Variants in NEK7 observed in about 807,000 individuals in gnomAD.
The protein encoded by NEK7 is serine/threonine-protein kinase Nek7.
Under a neutral mutation model 44.6 loss-of-function variants are expected in NEK7, and 18 were observed. That is an observed-to-expected ratio of 0.40 (90% confidence interval 0.28 to 0.60). The LOEUF (loss-of-function observed/expected upper bound fraction) is 0.60. Ranked by LOEUF, NEK7 falls within the 20% of genes least tolerant of loss-of-function variation. The pLI is 0.38. For synonymous variants in NEK7, 130 were observed against 121.1 expected (o/e 1.07, Z -0.48); for missense variants, 256 against 366.5 (o/e 0.70, Z 2.46).
Position 198,253,044 on chromosome 1 carries a change from C to T in NEK7, c.62C>T (p.Ala21Val). 1 of 1,603,618 alleles carries T rather than the reference C, an allele frequency of 6.2e-7. No individual in the cohort carries two copies. The highest frequency in any genetic ancestry group is 1.7e-5 in the Admixed American group (1 of 58,356). The change falls in exon 3 of 10, where the codon GCC becomes GTC. Residue 21 changes from alanine to valine, a missense_variant. Ala to Val is a moderately conservative substitution (Grantham distance 64). Coordinates refer to ENST00000367385, the MANE Select transcript of NEK7 (RefSeq NM_133494.3). ...PPVPQFQPQK[A>V]LRPDMGYNTL... ...TTCTGACATTTTTAATTACAGAAGG[C>T]CTTACGACCGGATATGGGCTATAAT...
At chr1:198,271,229 C>T (rs531549668) in intron 5 of NEK7, among the ~76,000 whole-genome samples, 3 of 152,112 alleles carry the variant, frequency 2.0e-5, no homozygotes, top group South Asian at 4.1e-4. Context: ...TAGGGACCTT[C>T]ATTACATCTG....
chr1:198,313,052 C>T (rs1422350781), intron 9 of NEK7, among the ~76,000 whole-genome samples: 9 of 151,718 alleles, frequency 5.9e-5, no homozygotes, highest in Non-Finnish European at 1.3e-4. Flanking sequence ...TAAAGTCTCC[C>T]ATTATTAATG....
chr1:198,165,454 G>A (rs1174423698), intron 1 of NEK7, among the ~76,000 whole-genome samples: 1 of 152,160 alleles, frequency 6.6e-6, no homozygotes, highest in African/African-American at 2.4e-5. Context: ...GTGTCAGTAG[G>A]CATGAAAACA....
chr1:198,317,424 C>T (rs1306499524), intron 9 of NEK7, among the ~76,000 whole-genome samples: 1 of 152,158 alleles, frequency 6.6e-6, no homozygotes, highest in Non-Finnish European at 1.5e-5. Flanking sequence ...TTTGTTATTC[C>T]CAATTCTTGT....
rs936276393 is a variant in NEK7 at position 198,249,271 on chromosome 1, T to A, written c.58-3769T>A. ...TTCCATGGCGTATATGTGCCACATT[T>A]TCTTAATCCAGTCTATCATTGTTGG... On this transcript the variant is annotated intron_variant, in intron 2 of 9. Coordinates refer to ENST00000367385, the MANE Select transcript of NEK7 (RefSeq NM_133494.3). Among the ~76,000 whole-genome samples, 12 of 149,622 alleles carry A rather than the reference T, an allele frequency of 8.0e-5. No individual in the cohort carries two copies. In the South Asian group the frequency reaches 1.3e-3, roughly 16 times the overall value.
rs542501765 is a variant in NEK7, at chr1:198,320,155, GTTTT to G, written c.*636_*639del. On this transcript the variant is annotated 3_prime_UTR_variant, in exon 10 of 10. Transcript: ENST00000367385. The stretch of plus-strand genomic sequence containing the variant: ...CAAAATGTGAGTCAGACACTGAAGA[GTTTT>G]TTGTTTTGTTTTAATATTTTTGATA... 8.5e-5 allele frequency: 13 copies of G among 152,104 alleles called. No individual in the cohort carries two copies. The highest frequency in any genetic ancestry group is 3.2e-3 in the Middle Eastern group (1 of 316). 9.4% of individuals were successfully genotyped at this position (152,104 alleles called of 1,614,324 possible). A position where few individuals can be genotyped will look rare whatever the true frequency, so the allele number is the denominator to read the frequency against.
intron 2 of NEK7, among the ~76,000 whole-genome samples, chr1:198,241,235 AC>A (rs1438086223): frequency 2.0e-5 from 3 of 152,238 alleles, no homozygotes; most frequent in Non-Finnish European, 2.9e-5. Context: ...TGTGAATATT[AC>A]GATCTTGTCA....
chr1:198,258,053 T>C (rs1653334862), intron 3 of NEK7, among the ~76,000 whole-genome samples: 1 of 152,126 alleles, frequency 6.6e-6, no homozygotes, highest in Admixed American at 6.6e-5. Flanking sequence ...GCATTTTAGA[T>C]AGAGTGTGCA....
Position 198,279,757 on chromosome 1 carries a change from A to G in NEK7, c.589+696A>G, listed in dbSNP as rs117980693. 2.2e-3 allele frequency among the ~76,000 whole-genome samples: 330 copies of G among 152,070 alleles called. 5 individuals carry two copies. The East Asian group carries it at 0.062, about 28-fold the overall frequency. ...AAACCTTTTAAATGGCCTGATGAGG[A>G]ACAAATGAGTTATACTAAATAACAA... On this transcript the variant is annotated intron_variant, in intron 7 of 9. Coordinates refer to ENST00000367385, the MANE Select transcript of NEK7 (RefSeq NM_133494.3).
intron 3 of NEK7, chr1:198,256,449 A>G (rs754828781): frequency 6.2e-7 from 1 of 1,607,358 alleles, no homozygotes; most frequent in South Asian, 1.1e-5. Flanking sequence ...CTTTTTGAAA[A>G]TTTACCTGTA....
chr1:198,211,362 G>T (rs1027189884), intron 1 of NEK7, among the ~76,000 whole-genome samples: 1 of 152,150 alleles, frequency 6.6e-6, no homozygotes, highest in Non-Finnish European at 1.5e-5. Flanking sequence ...TGTTACAAAA[G>T]AATGAAATAT....
At chr1:198,278,483 G>A (rs540622856) in intron 6 of NEK7, among the ~76,000 whole-genome samples, 54 of 149,918 alleles carry the variant, frequency 3.6e-4, no homozygotes, top group Middle Eastern at 3.4e-3. Flanking sequence ...CGCTGATACT[G>A]AAGTGTGAAA....
chr1:198,310,749 A>G (rs1267821725), intron 9 of NEK7, among the ~76,000 whole-genome samples: 1 of 150,802 alleles, frequency 6.6e-6, no homozygotes, highest in Non-Finnish European at 1.5e-5. Context: ...GATCAGATGT[A>G]GATACGTGGC....
intron 1 of NEK7, among the ~76,000 whole-genome samples, chr1:198,158,743 A>G (rs1347493917): frequency 2.6e-5 from 4 of 152,220 alleles, no homozygotes; most frequent in Non-Finnish European, 4.4e-5. Context: ...CTCTTGAAAC[A>G]GCTAACTTAA....
chr1:198,307,786 A>T (rs1349313613), intron 9 of NEK7, among the ~76,000 whole-genome samples: 1 of 152,176 alleles, frequency 6.6e-6, no homozygotes, highest in Non-Finnish European at 1.5e-5. Context: ...AACTCAGATG[A>T]TACCTTAAAT....
chr1:198,230,241 T>A (rs1422340642), intron 1 of NEK7, among the ~76,000 whole-genome samples: 1 of 152,182 alleles, frequency 6.6e-6, no homozygotes, highest in African/African-American at 2.4e-5. Context: ...ATATTGGATT[T>A]CATGCTAAAA....
chr1:198,321,860 CT>C lies in NEK7; in HGVS notation c.*2342del. 1 of 152,136 alleles carries C rather than the reference CT, an allele frequency of 6.6e-6. No individual in the cohort carries two copies. Among genetic ancestry groups the C allele is most frequent in the South Asian group, 2.1e-4 (1 of 4,830 alleles). The allele number at this position is 152,136 out of a possible 1,614,324, so 9.4% of individuals were successfully genotyped here. A position where few individuals can be genotyped will look rare whatever the true frequency, so the allele number is the denominator to read the frequency against. ...TAAATTTTATATTGATTAAGTTAAA[CT>C]TTTGAATTGATTTGAGGAGCAGTAA... On this transcript the variant is annotated 3_prime_UTR_variant, in exon 10 of 10. Coordinates refer to ENST00000367385, the MANE Select transcript of NEK7 (RefSeq NM_133494.3).
chr1:198,231,098 AT>A (rs1272625788), intron 1 of NEK7, among the ~76,000 whole-genome samples: 1 of 151,364 alleles, frequency 6.6e-6, no homozygotes, highest in African/African-American at 2.4e-5. Context: ...AATTAAGTAA[AT>A]ATCAAGACTT....
In NEK7 at chr1:198,275,150, CT is replaced by C. The variant is rs1010848671; in HGVS notation, c.373-2807del. 6.6e-5 allele frequency among the ~76,000 whole-genome samples: 10 copies of C among 150,398 alleles called. No individual in the cohort carries two copies. In the South Asian group the frequency reaches 1.0e-3, roughly 16 times the overall value. On this transcript the variant is annotated intron_variant, in intron 5 of 9. Coordinates refer to ENST00000367385, the MANE Select transcript of NEK7 (RefSeq NM_133494.3). The stretch of plus-strand genomic sequence containing the variant: ...AATTTTGATAAAAGTGGAAAAGTTA[CT>C]TTTAAAGTAAATAGTATTTGAAGAT...
Sources: gnomAD v4.1 joint callset for allele counts (sites outside exome capture counted in the v4.1 genomes callset) on GRCh38, gnomAD v4.1.1 for gene constraint, MANE v1.5 for transcripts, NCBI Gene and HGNC (gene_info 2026-07-23, HGNC 2026-07-21) for gene names.